The following PDE4B variants were observed in gnomAD, a reference collection of about 807,000 sequenced individuals.
PDE4B encodes the protein 3',5'-cyclic-AMP phosphodiesterase 4B.
A neutral mutation model predicts 82.2 loss-of-function variants in PDE4B; 20 were observed. The observed-to-expected ratio is 0.24, with a 90% CI of 0.17 to 0.35. The LOEUF (loss-of-function observed/expected upper bound fraction) is 0.35, where lower values mean the gene tolerates loss of function less well. Ranked by LOEUF, PDE4B falls within the 10% of genes least tolerant of loss-of-function variation. The pLI is 1.00. For missense variants in PDE4B, 655 were observed against 907.2 expected (o/e 0.72, Z 3.57); for synonymous variants, 320 against 318.9 (o/e 1.00, Z -0.04).
At chr1:66,152,615 T>A (rs1407448401) in intron 3 of PDE4B, 12 of 112,694 alleles carry the variant, frequency 1.1e-4, no homozygotes, top group Admixed American at 5.2e-4. Flanking sequence ...TACACATATA[T>A]ATATTTATAT....
intron 7 of PDE4B, among the ~76,000 whole-genome samples, chr1:66,306,788 G>A (rs1658309862): frequency 6.6e-6 from 1 of 152,146 alleles, no homozygotes; most frequent in Non-Finnish European, 1.5e-5. Flanking sequence ...GCCAGTTCTG[G>A]AAATCTGATG....
chr1:66,124,110 C>A (rs1202716857), intron 3 of PDE4B, among the ~76,000 whole-genome samples: 1 of 152,076 alleles, frequency 6.6e-6, no homozygotes, highest in East Asian at 1.9e-4. Flanking sequence ...AATTTTATTT[C>A]TCAGGTTATG....
intron 4 of PDE4B, 58 bp downstream of exon 4, chr1:66,247,712 C>T: frequency 7.8e-7 from 1 of 1,288,148 alleles, no homozygotes; most frequent in Non-Finnish European, 1.1e-6. Context: ...CTACCCAGGT[C>T]ACAGTGGCAG....
chr1:66,358,819 T>C (rs1662517259), intron 9 of PDE4B, among the ~76,000 whole-genome samples: 1 of 152,132 alleles, frequency 6.6e-6, no homozygotes, highest in Non-Finnish European at 1.5e-5. Context: ...ATAAAAGCCA[T>C]TAAATGTTAA....
At chr1:65,849,565 C>T (rs1250146253) in intron 1 of PDE4B, among the ~76,000 whole-genome samples, 5 of 152,080 alleles carry the variant, frequency 3.3e-5, no homozygotes, top group African/African-American at 1.2e-4. Flanking sequence ...TAACAGGTGG[C>T]ACTGGTGGGG....
intron 1 of PDE4B, among the ~76,000 whole-genome samples, chr1:65,898,961 T>C (rs1304850447): frequency 6.6e-6 from 1 of 151,880 alleles, no homozygotes; most frequent in Non-Finnish European, 1.5e-5. Context: ...CAAAGATAAA[T>C]AGCTGGAACT....
At chr1:65,952,539 C>T (rs1400554149) in intron 3 of PDE4B, among the ~76,000 whole-genome samples, 3 of 151,824 alleles carry the variant, frequency 2.0e-5, no homozygotes, top group Non-Finnish European at 4.4e-5. Flanking sequence ...AAAAATTAGC[C>T]AGGCATGGTG....
At chr1:65,844,278 A>T (rs552945387) in intron 1 of PDE4B, among the ~76,000 whole-genome samples, 28 of 152,326 alleles carry the variant, frequency 1.8e-4, no homozygotes, top group African/African-American at 6.7e-4. Flanking sequence ...TTGAGAAAGA[A>T]AGTATTTTCT....
chr1:66,228,672 T>C (rs1011398042), intron 3 of PDE4B, among the ~76,000 whole-genome samples: 2 of 151,894 alleles, frequency 1.3e-5, no homozygotes, highest in African/African-American at 4.8e-5. Flanking sequence ...CAGGGCTTTA[T>C]TTGTCTCATG....
intron 3 of PDE4B, among the ~76,000 whole-genome samples, chr1:66,117,618 C>A (rs1645622261): frequency 6.6e-6 from 1 of 152,020 alleles, no homozygotes; most frequent in South Asian, 2.1e-4. Flanking sequence ...CCTCATAATA[C>A]CCAGCATATA....
At chr1:66,185,870 T>C (rs1647190070) in intron 3 of PDE4B, among the ~76,000 whole-genome samples, 2 of 152,200 alleles carry the variant, frequency 1.3e-5, no homozygotes, top group African/African-American at 4.8e-5. Flanking sequence ...TTGGCTTTTG[T>C]TGCCATTGCT....
chr1:66,091,098 C>G (rs910954214), intron 3 of PDE4B, among the ~76,000 whole-genome samples: 2 of 151,958 alleles, frequency 1.3e-5, no homozygotes, highest in Non-Finnish European at 1.5e-5. Context: ...GATGGCCTTT[C>G]AGACATGACA....
In PDE4B at chr1:65,808,438, G is replaced by A. The variant is rs573741584; in HGVS notation, c.-71+15190G>A. ...TCCTGCCTCAGCTTCCCAAAGTGCTGAGATTACAGGCATGAGCCATTATCC... is the reference window on the plus strand; with the variant it reads ...TCCTGCCTCAGCTTCCCAAAGTGCTAAGATTACAGGCATGAGCCATTATCC... On this transcript the variant is annotated intron_variant, in intron 1 of 16. Transcript: ENST00000341517. Among the ~76,000 whole-genome samples, 126 of 152,324 alleles carry A rather than the reference G, an allele frequency of 8.3e-4. 1 individual carries two copies. The highest frequency in any genetic ancestry group is 3.0e-3 in the African/African-American group (124 of 41,570).
Position 65,860,799 on chromosome 1 carries a change from G to A in PDE4B, c.-70-52446G>A, listed in dbSNP as rs891792748. Among the ~76,000 whole-genome samples the A allele has an allele frequency of 2.6e-5, 4 of 152,202 alleles. No homozygotes were observed. In the East Asian group the frequency reaches 7.7e-4, roughly 29 times the overall value. Reference sequence around the variant, plus strand: ...GATTTGCATTCCTCTAATGACCAGTGAAGATAAGCTCTTTTTCATATGTTT... The same window carrying A: ...GATTTGCATTCCTCTAATGACCAGTAAAGATAAGCTCTTTTTCATATGTTT... On this transcript the variant is annotated intron_variant, in intron 1 of 16. Coordinates refer to ENST00000341517, the MANE Select transcript of PDE4B (RefSeq NM_002600.4).
chr1:66,072,112 G>A lies in PDE4B; in HGVS notation c.281+153277G>A, dbSNP rs554055973. On this transcript the variant is annotated intron_variant, in intron 3 of 16. Coordinates refer to ENST00000341517, the MANE Select transcript of PDE4B (RefSeq NM_002600.4). ...ACACGTACATGTACACACATAAACC[G>A]CTCACTATGCACAGGAAGCTTTAAG... 2.6e-5 allele frequency among the ~76,000 whole-genome samples: 4 copies of A among 152,018 alleles called. No individual in the cohort carries two copies. In the East Asian group the frequency reaches 5.8e-4, roughly 22 times the overall value.
chr1:66,221,554 G>C (rs973044944), intron 3 of PDE4B, among the ~76,000 whole-genome samples: 4 of 152,196 alleles, frequency 2.6e-5, no homozygotes, highest in African/African-American at 9.7e-5. Flanking sequence ...CTGTGTTATA[G>C]ATTAGGTAAT....
intron 1 of PDE4B, among the ~76,000 whole-genome samples, chr1:65,827,035 A>G (rs1646026832): frequency 6.6e-6 from 1 of 152,238 alleles, no homozygotes; most frequent in Non-Finnish European, 1.5e-5. Context: ...AGCACAGGGT[A>G]TCACTAGAGA....
chr1:66,225,271 A>T (rs993368068), intron 3 of PDE4B, among the ~76,000 whole-genome samples: 1 of 151,994 alleles, frequency 6.6e-6, no homozygotes, highest in Non-Finnish European at 1.5e-5. Context: ...TCTCACCTCA[A>T]CTCACTTCAG....
At chr1:66,125,951 C>A (rs1023753961) in intron 3 of PDE4B, among the ~76,000 whole-genome samples, 1 of 152,142 alleles carries the variant, frequency 6.6e-6, no homozygotes, top group African/African-American at 2.4e-5. Flanking sequence ...AAATTACAGG[C>A]ATGCACCACC....
Sources: allele counts gnomAD v4.1 joint callset (sites outside exome capture counted in the v4.1 genomes callset), GRCh38; gene constraint gnomAD v4.1.1; transcripts MANE v1.5; gene names NCBI Gene and HGNC (gene_info 2026-07-23, HGNC 2026-07-21).